CSMD3: variants seen among roughly 807,000 people sequenced by gnomAD.
CSMD3 encodes CUB and sushi domain-containing protein 3.
A neutral mutation model predicts 435.2 loss-of-function variants in CSMD3; 177 were observed. That is an observed-to-expected ratio of 0.41 (90% CI 0.36 to 0.46). CSMD3 has a LOEUF of 0.46. CSMD3 is among the 20% of genes least tolerant of loss of function. CSMD3 has a pLI of 0.34. For synonymous variants in CSMD3, 1,656 were observed against 1,520.5 expected (o/e 1.09, Z -2.07); for missense variants, 4,265 against 4,504.6 (o/e 0.95, Z 1.52).
chr8:113,330,884 T>G (rs1302036568), intron 1 of CSMD3, among the ~76,000 whole-genome samples: 1 of 151,794 alleles, frequency 6.6e-6, no homozygotes, highest in Non-Finnish European at 1.5e-5. Context: ...AAGCAGCATA[T>G]CAGCAAAGAT....
intron 2 of CSMD3, among the ~76,000 whole-genome samples, chr8:113,282,015 T>C (rs1328034595): frequency 6.6e-6 from 1 of 152,012 alleles, no homozygotes; most frequent in Non-Finnish European, 1.5e-5. Context: ...CAATTCCTTC[T>C]AGCTTGTAGG....
chr8:112,931,035 A>C, intron 9 of CSMD3, among the ~76,000 whole-genome samples: 1 of 152,108 alleles, frequency 6.6e-6, no homozygotes, highest in African/African-American at 2.4e-5. Flanking sequence ...CACTGAGAAA[A>C]ATTTTGAGTA....
intron 12 of CSMD3, among the ~76,000 whole-genome samples, chr8:112,811,232 G>A (rs1417537820): frequency 6.6e-6 from 1 of 151,716 alleles, no homozygotes. Context: ...TAACAAAAAA[G>A]AAAACTTCTA....
intron 32 of CSMD3, among the ~76,000 whole-genome samples, chr8:112,414,974 C>A (rs1811750106): frequency 6.6e-6 from 1 of 152,102 alleles, no homozygotes; most frequent in Non-Finnish European, 1.5e-5. Context: ...GGAAGCAGAG[C>A]ATAAAAGTTT....
rs530782030 is a variant in CSMD3, at chr8:113,331,141, C to A, written c.179-16348G>T. Among the ~76,000 whole-genome samples, 15 of 151,480 alleles carry A rather than the reference C, an allele frequency of 9.9e-5. No individual in the cohort carries two copies. In the South Asian group the frequency reaches 3.1e-3, roughly 32 times the overall value. On this transcript the variant is annotated intron_variant, in intron 1 of 70. Coordinates refer to ENST00000297405, the MANE Select transcript of CSMD3 (RefSeq NM_198123.2). The stretch of plus-strand genomic sequence containing the variant: ...ATAATAGAGAGCACATAACTACCAG[C>A]CTTAACGAAATAAGGGTTATAAGGA...
At chr8:112,517,677 A>C (rs1563647517) in intron 27 of CSMD3, among the ~76,000 whole-genome samples, 1 of 152,188 alleles carries the variant, frequency 6.6e-6, no homozygotes, top group Non-Finnish European at 1.5e-5. Flanking sequence ...ATCACTAACT[A>C]ATAGAGAAAT....
chr8:113,368,186 A>C (rs2094325058), intron 1 of CSMD3, among the ~76,000 whole-genome samples: 1 of 152,114 alleles, frequency 6.6e-6, no homozygotes. Context: ...CTTCTAAAGC[A>C]ATACTTTCCC....
chr8:113,131,109 G>C (rs1435656520), intron 4 of CSMD3, among the ~76,000 whole-genome samples: 5 of 152,054 alleles, frequency 3.3e-5, no homozygotes, highest in Non-Finnish European at 7.4e-5. Flanking sequence ...TATTTAAAAG[G>C]GAAGCAGAAC....
At chr8:112,786,673 T>C (rs1214955827) in intron 13 of CSMD3, among the ~76,000 whole-genome samples, 1 of 152,040 alleles carries the variant, frequency 6.6e-6, no homozygotes, top group Non-Finnish European at 1.5e-5. Context: ...GTGCTCAACA[T>C]CATTGATTAT....
At chr8:112,411,246 A>G (rs1811309648) in intron 32 of CSMD3, among the ~76,000 whole-genome samples, 2 of 151,732 alleles carry the variant, frequency 1.3e-5, no homozygotes, top group Middle Eastern at 3.4e-3. Context: ...GCAGCCATTA[A>G]CCCCACATTT....
rs189804762 is a variant in CSMD3 at position 112,941,742 on chromosome 8, A to T, written c.1508+6048T>A. ...TGGATATATATCACTTAGTTCAAAT[A>T]TAATATGAAATCACGTGTATGTCTT... On this transcript the variant is annotated intron_variant, in intron 9 of 70. Transcript: ENST00000297405. Among the ~76,000 whole-genome samples, 23 of 151,920 alleles carry T rather than the reference A, an allele frequency of 1.5e-4. No individual in the cohort carries two copies. The East Asian group carries it at 4.4e-3, about 29-fold the overall frequency.
chr8:112,621,696 C>T (rs1423124741), intron 22 of CSMD3, among the ~76,000 whole-genome samples: 1 of 152,118 alleles, frequency 6.6e-6, no homozygotes, highest in Admixed American at 6.6e-5. Flanking sequence ...TTTACAGACT[C>T]CCTCTTCTCA....
Position 113,087,258 on chromosome 8 carries a change from A to G in CSMD3, c.917+11498T>C, listed in dbSNP as rs143778764. 6.8e-3 allele frequency among the ~76,000 whole-genome samples: 1,032 copies of G among 152,224 alleles called. 11 individuals are homozygous for G. Among genetic ancestry groups the G allele is most frequent in the African/African-American group, 0.024 (991 of 41,528 alleles). ...AGATTAACTTGGGTAGGAAGAATCA[A>G]TATCGTGAAAATGGCCATATTGCCC... is the stretch of plus-strand genomic sequence containing the variant. On this transcript the variant is annotated intron_variant, in intron 5 of 70. Coordinates refer to ENST00000297405, the MANE Select transcript of CSMD3 (RefSeq NM_198123.2).
At chr8:112,535,292 C>G (rs1774488922) in intron 27 of CSMD3, among the ~76,000 whole-genome samples, 1 of 152,128 alleles carries the variant, frequency 6.6e-6, no homozygotes, top group South Asian at 2.1e-4. Context: ...AGCCCCAAAT[C>G]TCCTTAAGCT....
In CSMD3 at chr8:113,064,506, A is replaced by G. The variant is rs563264126; in HGVS notation, c.917+34250T>C. Among the ~76,000 whole-genome samples the G allele has an allele frequency of 7.2e-5, 11 of 152,306 alleles. No individual in the cohort carries two copies. In the East Asian group the frequency reaches 2.1e-3, roughly 29 times the overall value. Reference sequence around the variant, plus strand: ...ACTTTTTAAATTAATTCATTTATTTAAGATCTACTTCACTCTCCAAATGTA... The same window carrying G: ...ACTTTTTAAATTAATTCATTTATTTGAGATCTACTTCACTCTCCAAATGTA... On this transcript the variant is annotated intron_variant, in intron 5 of 70. Coordinates refer to ENST00000297405, the MANE Select transcript of CSMD3 (RefSeq NM_198123.2).
At chr8:112,461,528 A>C (rs1354047785) in intron 32 of CSMD3, among the ~76,000 whole-genome samples, 3 of 152,178 alleles carry the variant, frequency 2.0e-5, no homozygotes, top group Non-Finnish European at 4.4e-5. Flanking sequence ...TTTACTCTCT[A>C]TATGAATATT....
chr8:112,636,478 C>T (rs1586855194), intron 22 of CSMD3, among the ~76,000 whole-genome samples: 1 of 111,898 alleles, frequency 8.9e-6, no homozygotes, highest in South Asian at 2.8e-4. Flanking sequence ...CTATTTCTAT[C>T]TGTCTATCTG....
intron 45 of CSMD3, among the ~76,000 whole-genome samples, chr8:112,321,081 T>G (rs1001725525): frequency 2.0e-5 from 3 of 152,140 alleles, no homozygotes; most frequent in African/African-American, 7.2e-5. Context: ...TCTTTTTTTT[T>G]CCCTTAAAGT....
At chr8:113,004,264 T>C (rs1363971657) in intron 6 of CSMD3, among the ~76,000 whole-genome samples, 3 of 152,056 alleles carry the variant, frequency 2.0e-5, no homozygotes, top group Non-Finnish European at 4.4e-5. Flanking sequence ...CCCTACTTAT[T>C]ATTTAATTAA....
Sources: gnomAD v4.1 joint callset for allele counts (sites outside exome capture counted in the v4.1 genomes callset) on GRCh38, gnomAD v4.1.1 for gene constraint, MANE v1.5 for transcripts, NCBI Gene and HGNC (gene_info 2026-07-23, HGNC 2026-07-21) for gene names.